The following PPM1A variants were observed in gnomAD, a reference collection of about 807,000 sequenced individuals.
PPM1A encodes protein phosphatase 1A.
A neutral mutation model predicts 35.0 loss-of-function variants in PPM1A; 7 were observed. The ratio of observed to expected loss-of-function variants is 0.20; its 90% CI spans 0.11 to 0.38. The LOEUF is 0.38. PPM1A is among the 10% of genes least tolerant of loss of function. The pLI, the probability that PPM1A is intolerant of heterozygous loss-of-function variation, is 1.00. For missense variants in PPM1A, 239 were observed against 467.8 expected (o/e 0.51, Z 4.51); for synonymous variants, 153 against 167.3 (o/e 0.91, Z 0.66).
intron 3 of PPM1A, chr14:60,286,987 A>G (rs555805422): frequency 2.7e-4 from 242 of 885,308 alleles, no homozygotes; most frequent in Non-Finnish European, 3.2e-4. Flanking sequence ...TGCTACAATC[A>G]TTGGTTCAAA....
rs1310417698 is a variant in PPM1A, at chr14:60,249,861, G to A, written c.-21+184G>A. 2.6e-5 allele frequency among the ~76,000 whole-genome samples: 4 copies of A among 151,508 alleles called. No homozygotes were observed. The highest frequency in any genetic ancestry group is 5.9e-5 in the Non-Finnish European group (4 of 67,778). ...CCGAGCCGGGCGGCGGACGGCGAGG[G>A]GTTAACGCTCGGCGAGGGCGGTGGC... On this transcript the variant is annotated intron_variant, in intron 1 of 5. Transcript: ENST00000395076. The surrounding 1 kb of genome is among the most constrained non-coding windows in gnomAD (Gnocchi z 4.5).
At chr14:60,253,872 A>C (rs1452272502) in intron 1 of PPM1A, among the ~76,000 whole-genome samples, 1 of 152,188 alleles carries the variant, frequency 6.6e-6, no homozygotes, top group Non-Finnish European at 1.5e-5. Flanking sequence ...CATGGTGATA[A>C]AACTAACCTT....
rs1885440590 is a variant in PPM1A at position 60,273,849 on chromosome 14, C to T, written c.-20-8835C>T. Among the ~76,000 whole-genome samples the T allele has an allele frequency of 2.6e-5, 4 of 152,110 alleles. No individual in the cohort carries two copies. In the South Asian group the frequency reaches 6.2e-4, roughly 24 times the overall value. ...ATATCCTTAGTTTCTGTTTCTTTTT[C>T]TGAGTTGGGGTCTTGCTATATTGCC... On this transcript the variant is annotated intron_variant, in intron 1 of 5. Coordinates refer to ENST00000395076, the MANE Select transcript of PPM1A (RefSeq NM_021003.5). The surrounding 1 kb of genome is among the most constrained non-coding windows in gnomAD (Gnocchi z 4.3).
In PPM1A at chr14:60,292,598, A is replaced by G; in HGVS notation, c.*116A>G. The G allele has an allele frequency of 1.2e-6, 1 of 820,624 alleles. No homozygotes were observed. Among genetic ancestry groups the G allele is most frequent in the Non-Finnish European group, 1.9e-6 (1 of 518,122 alleles). The allele number at this position is 820,624 out of a possible 1,614,324, so 50.8% of individuals were successfully genotyped here. A position where few individuals can be genotyped will look rare whatever the true frequency, so the allele number is the denominator to read the frequency against. ...TAAGGAAGGGGATATGACATGGGTG[A>G]GAATGATTACATCAGAGAACTTCAG... is the stretch of plus-strand genomic sequence containing the variant. On this transcript the variant is annotated 3_prime_UTR_variant, in exon 6 of 6. Transcript: ENST00000395076. This position sits in a 1 kb window ranked among gnomAD's most constrained non-coding sequence, Gnocchi z 4.2.
chr14:60,278,256 A>G (rs1179370777), intron 1 of PPM1A, among the ~76,000 whole-genome samples: 1 of 152,090 alleles, frequency 6.6e-6, no homozygotes, highest in East Asian at 1.9e-4. Flanking sequence ...ATAGAAGTGA[A>G]TCTTAGTTAA....
chr14:60,288,557 C>T, intron 3 of PPM1A: 1 of 980,558 alleles, frequency 1.0e-6, no homozygotes, highest in Non-Finnish European at 1.2e-6. Context: ...CAAACCAAAT[C>T]TGAGATCCTT....
chr14:60,279,475 C>T (rs577348731), intron 1 of PPM1A, among the ~76,000 whole-genome samples: 1 of 152,264 alleles, frequency 6.6e-6, no homozygotes, highest in East Asian at 1.9e-4. Flanking sequence ...TTGTGTGTAA[C>T]CCATACTGAT....
At chr14:60,257,778 T>G (rs1208225960) in intron 1 of PPM1A, among the ~76,000 whole-genome samples, 1 of 152,106 alleles carries the variant, frequency 6.6e-6, no homozygotes. Context: ...AATTCAGAAA[T>G]GAAAATGTGA....
rs2139557902 is a variant in PPM1A at position 60,285,502 on chromosome 14, C to A, written c.835-122C>A. 7.5e-6 allele frequency: 8 copies of A among 1,060,208 alleles called. No homozygotes were observed. The East Asian group carries it at 1.8e-4, about 23-fold the overall frequency. 65.7% of individuals were successfully genotyped at this position (1,060,208 alleles called of 1,614,324 possible). On this transcript the variant is annotated intron_variant, in intron 2 of 5. Transcript: ENST00000395076. The stretch of plus-strand genomic sequence containing the variant: ...CATGCGTGCACATATGTATTTTTTT[C>A]TCCCTGAAAGTAACATTTTCACTAG...
At chr14:60,279,851 C>A (rs1886185814) in intron 1 of PPM1A, among the ~76,000 whole-genome samples, 1 of 152,110 alleles carries the variant, frequency 6.6e-6, no homozygotes, top group South Asian at 2.1e-4. Flanking sequence ...TTGTGATTGA[C>A]TGCCTCCTCT....
intron 1 of PPM1A, among the ~76,000 whole-genome samples, chr14:60,255,243 C>T (rs1482002141): frequency 6.9e-6 from 1 of 144,604 alleles, no homozygotes; most frequent in Non-Finnish European, 1.5e-5. Context: ...GCGATCTCGG[C>T]TCACTGCAAG....
chr14:60,259,604 A>T lies in PPM1A; in HGVS notation c.-21+9927A>T, dbSNP rs940845324. 2.0e-5 allele frequency among the ~76,000 whole-genome samples: 3 copies of T among 152,136 alleles called. No individual in the cohort carries two copies. In the South Asian group the frequency reaches 6.2e-4, roughly 31 times the overall value. The stretch of plus-strand genomic sequence containing the variant: ...ACTTTCTGTCTATAGATCTGTCTAT[A>T]GATAACTTGGATAAGACAAGTTATC... On this transcript the variant is annotated intron_variant, in intron 1 of 5. Transcript: ENST00000395076.
At chr14:60,278,006 G>A (rs1379876673) in intron 1 of PPM1A, among the ~76,000 whole-genome samples, 1 of 152,150 alleles carries the variant, frequency 6.6e-6, no homozygotes. Context: ...ACCTCACCGT[G>A]GCTTAGTTTC....
chr14:60,292,560 C>A lies in PPM1A; in HGVS notation c.*78C>A. 2 of 1,302,240 alleles carry A rather than the reference C, an allele frequency of 1.5e-6. No individual in the cohort carries two copies. Among genetic ancestry groups the A allele is most frequent in the East Asian group, 2.3e-5 (1 of 42,774 alleles). The allele number at this position is 1,302,240 out of a possible 1,614,324, so 80.7% of individuals were successfully genotyped here. On this transcript the variant is annotated 3_prime_UTR_variant, in exon 6 of 6. Transcript: ENST00000395076. This position sits in a 1 kb window ranked among gnomAD's most constrained non-coding sequence, Gnocchi z 4.2. ...TCAACTTTGTTGAAACTTTTAACATCCATCCTCAACTTTAAGGAAGGGGAT... is the reference window on the plus strand; with the variant it reads ...TCAACTTTGTTGAAACTTTTAACATACATCCTCAACTTTAAGGAAGGGGAT...
chr14:60,248,938 C>T (rs994741920), upstream of PPM1A, among the ~76,000 whole-genome samples: 1 of 152,204 alleles, frequency 6.6e-6, no homozygotes, highest in South Asian at 2.1e-4. Context: ...TATCCGGGAT[C>T]CGGACGCTCC....
At chr14:60,287,269 TATTATC>T (rs1887116150) in intron 3 of PPM1A, 1 of 974,242 alleles carries the variant, frequency 1.0e-6, no homozygotes, top group Non-Finnish European at 1.2e-6. Context: ...TTATATTTCT[TATTATC>T]AAGCAAGAGT....
chr14:60,287,065 T>C (rs1887096088), intron 3 of PPM1A: 1 of 948,908 alleles, frequency 1.1e-6, no homozygotes, highest in East Asian at 1.2e-4. Flanking sequence ...ATATTTAATG[T>C]ATTGGCACTT....
chr14:60,245,805 C>T, upstream of PPM1A: 1 of 1,517,726 alleles, frequency 6.6e-7, no homozygotes, highest in Non-Finnish European at 8.8e-7. This position sits in a 1 kb window ranked among gnomAD's most constrained non-coding sequence, Gnocchi z 4.2. Context: ...GGGGGCACAC[C>T]CTCTCCCTGA....
Position 60,249,397 on chromosome 14 carries a change from G to C in PPM1A, c.-301G>C. 1.0e-6 allele frequency: 1 copy of C among 984,660 alleles called. No individual in the cohort carries two copies. The highest frequency in any genetic ancestry group is 1.2e-6 in the Non-Finnish European group (1 of 829,678). The allele number at this position is 984,660 out of a possible 1,614,324, so 61.0% of individuals were successfully genotyped here. On this transcript the variant is annotated 5_prime_UTR_variant, in exon 1 of 6. Coordinates refer to ENST00000395076, the MANE Select transcript of PPM1A (RefSeq NM_021003.5). The surrounding 1 kb of genome is among the most constrained non-coding windows in gnomAD (Gnocchi z 4.5). ...GACTCTAGACAGCTGAGGCGCGAAA[G>C]CGATGAGTCCTCGGCTCTTCCTCCT...
Sources: gnomAD v4.1 joint callset for allele counts (sites outside exome capture counted in the v4.1 genomes callset) on GRCh38, gnomAD v4.1.1 for gene constraint, Gnocchi (gnomAD v3.1) non-coding constraint, MANE v1.5 for transcripts, NCBI Gene and HGNC (gene_info 2026-07-23, HGNC 2026-07-21) for gene names.